The following PPARGC1A variants were observed in gnomAD, a reference collection of about 807,000 sequenced individuals.
PPARGC1A encodes peroxisome proliferator-activated receptor gamma coactivator 1-alpha.
A neutral mutation model predicts 88.7 loss-of-function variants in PPARGC1A; 25 were observed. The observed-to-expected ratio is 0.28, with a 90% CI of 0.21 to 0.39. The LOEUF (loss-of-function observed/expected upper bound fraction) is 0.39, where lower values mean the gene tolerates loss of function less well. Ranked by LOEUF, PPARGC1A falls within the 10% of genes least tolerant of loss-of-function variation. PPARGC1A has a pLI of 1.00. For synonymous variants in PPARGC1A, 363 were observed against 355.6 expected, an observed-to-expected ratio of 1.02 and a Z score of -0.24; for missense variants, 880 against 968.7, an observed-to-expected ratio of 0.91 and a Z score of 1.22.
chr4:24,049,221 TATATACATATATATAA>T, the PPARGC1A span, among the ~76,000 whole-genome samples: 1 of 8,384 alleles, frequency 1.2e-4, no homozygotes, highest in East Asian at 3.2e-3. Context: ...TATAAATATA[TATATACATATATATAA>T]ATATATATAC....
chr4:24,074,005 C>A, the PPARGC1A span, among the ~76,000 whole-genome samples: 1 of 152,098 alleles, frequency 6.6e-6, no homozygotes, highest in Non-Finnish European at 1.5e-5. Context: ...TGTTCCTCCC[C>A]TTCCTCACCT....
the PPARGC1A span, among the ~76,000 whole-genome samples, chr4:23,940,462 A>C: frequency 6.6e-6 from 1 of 152,224 alleles, no homozygotes; most frequent in Non-Finnish European, 1.5e-5. Context: ...TCCAAGGAAG[A>C]AGGACAGATT....
the PPARGC1A span, among the ~76,000 whole-genome samples, chr4:24,302,960 A>C: frequency 3.9e-5 from 6 of 152,318 alleles, no homozygotes; most frequent in East Asian, 7.7e-4. Context: ...CACAGACCAA[A>C]GAGAGATCTC....
the PPARGC1A span, among the ~76,000 whole-genome samples, chr4:24,214,058 T>C: frequency 6.6e-6 from 1 of 152,162 alleles, no homozygotes; most frequent in Non-Finnish European, 1.5e-5. Context: ...CCGATCAGAA[T>C]GGAATGTGAG....
chr4:24,121,909 T>A, the PPARGC1A span, among the ~76,000 whole-genome samples: 1 of 152,190 alleles, frequency 6.6e-6, no homozygotes, highest in Non-Finnish European at 1.5e-5. Context: ...AACCCTGAAC[T>A]CGAGTTCCCT....
the PPARGC1A span, among the ~76,000 whole-genome samples, chr4:24,287,576 G>A: frequency 5.3e-5 from 8 of 150,510 alleles, no homozygotes; most frequent in South Asian, 1.7e-3. Context: ...GCCCTCTAGT[G>A]CCCTGATACA....
At chr4:23,968,664 C>T in the PPARGC1A span, among the ~76,000 whole-genome samples, 4 of 152,236 alleles carry the variant, frequency 2.6e-5, no homozygotes, top group Admixed American at 2.0e-4. Context: ...CTTGTAATCC[C>T]AGCAATTTGG....
chr4:24,263,565 A>G, the PPARGC1A span, among the ~76,000 whole-genome samples: 1 of 151,966 alleles, frequency 6.6e-6, no homozygotes, highest in Non-Finnish European at 1.5e-5. Context: ...AGTTATACCA[A>G]GTGTGCCCGT....
chr4:24,164,752 T>C, the PPARGC1A span, among the ~76,000 whole-genome samples: 3 of 152,204 alleles, frequency 2.0e-5, no homozygotes, highest in African/African-American at 7.2e-5. Flanking sequence ...GGGAAAAGTA[T>C]GACTGAGTCT....
At chr4:24,255,802 TATCAGA>T in the PPARGC1A span, among the ~76,000 whole-genome samples, 1 of 152,254 alleles carries the variant, frequency 6.6e-6, no homozygotes, top group Admixed American at 6.5e-5. Flanking sequence ...AACTTTAAGC[TATCAGA>T]TGATGGAGCA....
At chr4:23,935,267 C>T in the PPARGC1A span, among the ~76,000 whole-genome samples, 3 of 152,168 alleles carry the variant, frequency 2.0e-5, no homozygotes, top group African/African-American at 7.2e-5. Context: ...TCCTAAGAGC[C>T]ATAGACTTGG....
At chr4:24,145,897 CA>C in the PPARGC1A span, among the ~76,000 whole-genome samples, 5 of 152,274 alleles carry the variant, frequency 3.3e-5, no homozygotes, top group East Asian at 9.6e-4. Flanking sequence ...GAAACTTCCA[CA>C]AGGACGTGTG....
chr4:23,976,782 C>T, the PPARGC1A span, among the ~76,000 whole-genome samples: 1 of 152,144 alleles, frequency 6.6e-6, no homozygotes, highest in Non-Finnish European at 1.5e-5. Context: ...ATGAGAAGCC[C>T]ACCCTGCTGG....
At chr4:24,042,171 G>A in the PPARGC1A span, among the ~76,000 whole-genome samples, 1 of 152,120 alleles carries the variant, frequency 6.6e-6, no homozygotes, top group Non-Finnish European at 1.5e-5. Flanking sequence ...AAGTTCTACT[G>A]TCTACCAGCC....
At chr4:23,927,202 C>T in the PPARGC1A span, among the ~76,000 whole-genome samples, 1 of 152,144 alleles carries the variant, frequency 6.6e-6, no homozygotes, top group Non-Finnish European at 1.5e-5. Flanking sequence ...GAATACTGTA[C>T]TGAAAGTGAA....
chr4:23,845,941 T>A (rs960857483), intron 2 of PPARGC1A, among the ~76,000 whole-genome samples: 1 of 152,170 alleles, frequency 6.6e-6, no homozygotes, highest in African/African-American at 2.4e-5. Context: ...CAATTCCAAA[T>A]GCAGACTCAT....
the PPARGC1A span, among the ~76,000 whole-genome samples, chr4:24,394,248 T>C: frequency 6.6e-6 from 1 of 152,236 alleles, no homozygotes; most frequent in Non-Finnish European, 1.5e-5. Context: ...TCGGGTTTAC[T>C]CACGGCCATG....
chr4:23,939,439 A>G, the PPARGC1A span, among the ~76,000 whole-genome samples: 9 of 152,242 alleles, frequency 5.9e-5, no homozygotes, highest in Non-Finnish European at 1.2e-4. Context: ...AGGTCAAAGG[A>G]TGTTTAGAAA....
chr4:24,325,798 C>T, the PPARGC1A span, among the ~76,000 whole-genome samples: 158 of 152,308 alleles, frequency 1.0e-3, no homozygotes, highest in Non-Finnish European at 1.0e-3. Context: ...ACCCACTCCA[C>T]ATTACCTTCT....
Sources: gnomAD v4.1 joint callset for allele counts (sites outside exome capture counted in the v4.1 genomes callset) on GRCh38, gnomAD v4.1.1 for gene constraint, MANE v1.5 for transcripts, NCBI Gene and HGNC (gene_info 2026-07-23, HGNC 2026-07-21) for gene names.